PC: variants seen among roughly 807,000 people sequenced by gnomAD.
PC encodes pyruvate carboxylase, also known as pyruvate carboxylase, mitochondrial.
Under a neutral mutation model 107.8 loss-of-function variants are expected in PC, and 46 were observed. The observed-to-expected ratio is 0.43, with a 90% CI of 0.34 to 0.55. The LOEUF (loss-of-function observed/expected upper bound fraction) is 0.55. PC is among the 20% of genes least tolerant of loss of function. The probability of loss-of-function intolerance (pLI) is 0.04; values close to 1 mark genes in which losing one functional copy is unlikely to be tolerated. For missense variants in PC, 1,241 were observed against 1,643.1 expected, an observed-to-expected ratio of 0.76 and a Z score of 4.23; for synonymous variants, 662 against 684.7, an observed-to-expected ratio of 0.97 and a Z score of 0.52.
chr11:66,956,845 A>C (rs528008721), intron 1 of PC, among the ~76,000 whole-genome samples: 1 of 152,194 alleles, frequency 6.6e-6, no homozygotes, highest in South Asian at 2.1e-4. Flanking sequence ...TACCTCACCC[A>C]CTAGGCTCTC....
chr11:66,900,479 A>G (rs1441491098), intron 3 of PC, among the ~76,000 whole-genome samples: 1 of 151,944 alleles, frequency 6.6e-6, no homozygotes, highest in African/African-American at 2.4e-5. Flanking sequence ...CTTTCTTAAG[A>G]TTCTTTTGGT....
intron 12 of PC, among the ~76,000 whole-genome samples, chr11:66,861,468 C>T (rs900788507): frequency 9.9e-5 from 15 of 152,250 alleles, no homozygotes; most frequent in Non-Finnish European, 2.1e-4. Context: ...CTAAGGCATA[C>T]GTGTGTTCAC....
At chr11:66,875,020 G>A (rs1432736160) in intron 3 of PC, among the ~76,000 whole-genome samples, 2 of 152,190 alleles carry the variant, frequency 1.3e-5, no homozygotes, top group African/African-American at 4.8e-5. Flanking sequence ...CCTGAGAGAG[G>A]GAAGTGTGAG....
At chr11:66,920,478 TATGGAC>T in intron 3 of PC, among the ~76,000 whole-genome samples, 1 of 152,152 alleles carries the variant, frequency 6.6e-6, no homozygotes, top group South Asian at 2.1e-4. Context: ...GGAAAATGGA[TATGGAC>T]CTAACACTGG....
chr11:66,859,598 C>T (rs1464067217), intron 12 of PC: 1 of 1,610,576 alleles, frequency 6.2e-7, no homozygotes, highest in East Asian at 2.2e-5. Context: ...TGGGGCTAGA[C>T]CCCAGCCCCG....
At position 66,858,581 on chromosome 11, in the gene PC, G is replaced by A; in HGVS notation, c.1368+5193C>T. The A allele has an allele frequency of 6.5e-7, 1 of 1,533,052 alleles. No homozygotes were observed. Among genetic ancestry groups the A allele is most frequent in the Non-Finnish European group, 8.7e-7 (1 of 1,143,776 alleles). The allele number at this position is 1,533,052 out of a possible 1,614,324, so 95.0% of individuals were successfully genotyped here. ...TGCCCGAGGGCGAGTTCTCCTGTGAGCCGCCCCTCATTGCCCGCCACACGC... is the reference window on the plus strand; with the variant it reads ...TGCCCGAGGGCGAGTTCTCCTGTGAACCGCCCCTCATTGCCCGCCACACGC... On this transcript the variant is annotated intron_variant, in intron 12 of 22. Coordinates refer to ENST00000393960, the MANE Select transcript of PC (RefSeq NM_001040716.2). The surrounding 1 kb of genome is among the most constrained non-coding windows in gnomAD (Gnocchi z 5.9).
intron 1 of PC, chr11:66,957,810 A>G (rs1949602962): frequency 6.6e-6 from 1 of 152,290 alleles, no homozygotes; most frequent in Admixed American, 6.5e-5. Flanking sequence ...GAAACAAAGT[A>G]GAGGATCCTA....
intron 10 of PC, among the ~76,000 whole-genome samples, chr11:66,867,420 A>C (rs977806326): frequency 1.3e-5 from 2 of 152,182 alleles, no homozygotes; most frequent in Non-Finnish European, 2.9e-5. Flanking sequence ...ATGTATTGCC[A>C]CTGAGGCTTG....
chr11:66,902,535 G>A (rs1474374118), intron 3 of PC, among the ~76,000 whole-genome samples: 5 of 152,118 alleles, frequency 3.3e-5, no homozygotes, highest in Admixed American at 6.5e-5. Context: ...CCGTCATGCC[G>A]AGCTGTGCCT....
chr11:66,913,065 G>T (rs139116298), intron 3 of PC, among the ~76,000 whole-genome samples: 337 of 152,244 alleles, frequency 2.2e-3, no homozygotes, highest in African/African-American at 7.5e-3. Context: ...TGAAACCCGG[G>T]TGGGAATGAA....
intron 3 of PC, among the ~76,000 whole-genome samples, chr11:66,926,301 G>A (rs1408654259): frequency 6.6e-6 from 1 of 152,152 alleles, no homozygotes; most frequent in African/African-American, 2.4e-5. Context: ...GGAACAGAAA[G>A]TAATTATCTA....
chr11:66,850,022 A>C lies in PC; in HGVS notation c.2813T>G (p.Leu938Arg). Residue 938 changes from leucine (L) to arginine (R), a missense_variant, in exon 20 of 23, where the codon CTG becomes CGG. By Grantham distance (102) the Leu-to-Arg change is moderately radical (BLOSUM62 -2). Around this residue, in one of 2 missense-constraint regions of PC, gnomAD observed 1,143 missense variants for 1,551.9 expected, o/e 0.74. Coordinates refer to ENST00000393960, the MANE Select transcript of PC (RefSeq NM_001040716.2). ...RAEAEAQAEE[L>R]SFPRSVVEFL... is the part of the protein sequence containing the mutation. Reference sequence around the variant, plus strand: ...CTCCACCACGGAGCGGGGAAAGGACAGCTCTTCCGCCTGAGCTTCGGCCTC... The same window carrying C: ...CTCCACCACGGAGCGGGGAAAGGACCGCTCTTCCGCCTGAGCTTCGGCCTC... 1 of 1,613,676 alleles carries C rather than the reference A, an allele frequency of 6.2e-7. No individual in the cohort carries two copies. Among genetic ancestry groups the C allele is most frequent in the Non-Finnish European group, 8.5e-7 (1 of 1,180,032 alleles).
chr11:66,933,810 C>T (rs191765679), intron 3 of PC, among the ~76,000 whole-genome samples: 15 of 152,286 alleles, frequency 9.8e-5, no homozygotes, highest in African/African-American at 9.6e-5. Context: ...CCACCCACTC[C>T]GCCCAGAGGT....
rs550761110 is a variant in PC at position 66,858,896 on chromosome 11, C to G, written c.1368+4878G>C. 21 of 1,560,164 alleles carry G rather than the reference C, an allele frequency of 1.3e-5. No homozygotes were observed. In the South Asian group the frequency reaches 2.3e-4, roughly 17 times the overall value. Reference sequence around the variant, plus strand: ...ACAGCAGTGCCGAGGGGGGCCGCCCCGGGCCCTCGGACATCGCCGCCTCCG... The same window carrying G: ...ACAGCAGTGCCGAGGGGGGCCGCCCGGGGCCCTCGGACATCGCCGCCTCCG... On this transcript the variant is annotated intron_variant, in intron 12 of 22. Transcript: ENST00000393960. This position sits in a 1 kb window ranked among gnomAD's most constrained non-coding sequence, Gnocchi z 5.9.
chr11:66,904,326 G>C (rs1197272525), intron 3 of PC, among the ~76,000 whole-genome samples: 2 of 152,054 alleles, frequency 1.3e-5, no homozygotes, highest in Non-Finnish European at 1.5e-5. Context: ...AAGCAGCCAG[G>C]GTCCCTGCCC....
At chr11:66,942,399 C>CAAAAAAAAAAAAAAAA (rs577741732) in intron 3 of PC, among the ~76,000 whole-genome samples, 1 of 87,022 alleles carries the variant, frequency 1.1e-5, no homozygotes, top group African/African-American at 4.3e-5. Context: ...GACTCCATCT[C>CAAAAAAAAAAAAAAAA]AAAAAAAAAA....
intron 3 of PC, among the ~76,000 whole-genome samples, chr11:66,903,399 T>C (rs1160326027): frequency 6.6e-6 from 1 of 152,134 alleles, no homozygotes; most frequent in African/African-American, 2.4e-5. Flanking sequence ...TATCCAACCA[T>C]GTTGTTGAGC....
intron 3 of PC, among the ~76,000 whole-genome samples, chr11:66,909,324 T>G (rs1948266482): frequency 6.6e-6 from 1 of 152,180 alleles, no homozygotes; most frequent in South Asian, 2.1e-4. Flanking sequence ...GGAGTGCCAT[T>G]CACAGTGACT....
chr11:66,924,426 AAAAG>A lies in PC; in HGVS notation c.-1+28000_-1+28003del, dbSNP rs1299041390. ...TGACAGTGCACACCTCAATTAAAAA[AAAAG>A]AAAGAAAGAAAGGAAAAAAGTTAGA... On this transcript the variant is annotated intron_variant, in intron 3 of 22. Coordinates refer to ENST00000393960, the MANE Select transcript of PC (RefSeq NM_001040716.2). 5.3e-5 allele frequency among the ~76,000 whole-genome samples: 8 copies of A among 150,796 alleles called. No individual in the cohort carries two copies. The South Asian group carries it at 1.0e-3, about 20-fold the overall frequency.
Sources: gnomAD v4.1 joint callset for allele counts (sites outside exome capture counted in the v4.1 genomes callset) on GRCh38, gnomAD v4.1.1 for gene constraint, gnomAD v4.1.1 regional missense constraint, Gnocchi (gnomAD v3.1) non-coding constraint, MANE v1.5 for transcripts, NCBI Gene and HGNC (gene_info 2026-07-23, HGNC 2026-07-21) for gene names.